The following DPY19L1 variants were observed in gnomAD, a reference collection of about 807,000 sequenced individuals.
DPY19L1 encodes protein C-mannosyl-transferase DPY19L1.
In DPY19L1, 35 loss-of-function variants were observed where a neutral mutation model predicts 96.9. The observed-to-expected ratio is 0.36, with a 90% CI of 0.28 to 0.48. The LOEUF is 0.48. Among genes scored for constraint, DPY19L1 ranks in the 20% least tolerant of loss-of-function variants. DPY19L1 has a pLI of 0.99. For missense variants in DPY19L1, 521 were observed against 777.9 expected (o/e 0.67, Z 3.93); for synonymous variants, 205 against 252.6 (o/e 0.81, Z 1.79).
intron 21 of DPY19L1, among the ~76,000 whole-genome samples, chr7:34,933,397 G>A (rs973661722): frequency 6.6e-6 from 1 of 152,196 alleles, no homozygotes; most frequent in Non-Finnish European, 1.5e-5. Flanking sequence ...GCTATCTGCT[G>A]TATCTTTCTC....
At chr7:35,004,779 T>C (rs1164177237) in intron 6 of DPY19L1, among the ~76,000 whole-genome samples, 1 of 152,236 alleles carries the variant, frequency 6.6e-6, no homozygotes, top group Non-Finnish European at 1.5e-5. Flanking sequence ...ACTGAAGGGA[T>C]AATTTAAAAG....
intron 21 of DPY19L1, among the ~76,000 whole-genome samples, chr7:34,932,967 A>T (rs539564897): frequency 4.2e-4 from 64 of 152,310 alleles, no homozygotes; most frequent in African/African-American, 1.5e-3. Context: ...AGGTATGTAC[A>T]TCATTTTCCC....
At chr7:35,013,925 CT>C (rs1785776392) in intron 3 of DPY19L1, among the ~76,000 whole-genome samples, 1 of 152,104 alleles carries the variant, frequency 6.6e-6, no homozygotes. Context: ...TGCAAAATAG[CT>C]TCAAAAAGTT....
intron 7 of DPY19L1, among the ~76,000 whole-genome samples, chr7:34,976,855 C>T (rs1784841681): frequency 6.6e-6 from 1 of 152,182 alleles, no homozygotes; most frequent in Non-Finnish European, 1.5e-5. Flanking sequence ...GCAATTTCGG[C>T]TCACTGCAAC....
At chr7:34,966,840 A>T in intron 10 of DPY19L1, 54 bp downstream of exon 10, 1 of 1,393,930 alleles carries the variant, frequency 7.2e-7, no homozygotes, top group South Asian at 1.4e-5. Context: ...ATAAAATATT[A>T]ATCAGGAGTT....
In DPY19L1 at chr7:35,033,167, T is replaced by C. The variant is rs534488350; in HGVS notation, c.298+3930A>G. On this transcript the variant is annotated intron_variant, in intron 1 of 21. Transcript: ENST00000638088. ...TGATGCACCTCCACCCTCTCTTCTT[T>C]CAACATGCTAAGCTCTGTCATACTC... is the stretch of plus-strand genomic sequence containing the variant. Among the ~76,000 whole-genome samples, 17 of 152,330 alleles carry C rather than the reference T, an allele frequency of 1.1e-4. No individual in the cohort carries two copies. The South Asian group carries it at 1.5e-3, about 13-fold the overall frequency.
chr7:35,011,277 A>T, intron 5 of DPY19L1, 53 bp downstream of exon 5: 1 of 1,582,644 alleles, frequency 6.3e-7, no homozygotes, highest in Non-Finnish European at 8.6e-7. Flanking sequence ...TATGCTAGAT[A>T]AGTTTATTAT....
intron 21 of DPY19L1, among the ~76,000 whole-genome samples, chr7:34,932,548 A>G (rs1790939147): frequency 6.6e-6 from 1 of 152,242 alleles, no homozygotes; most frequent in South Asian, 2.1e-4. Flanking sequence ...AAAAATCAGT[A>G]GGTCAAAACA....
chr7:34,941,007 T>C (rs1424065557), intron 18 of DPY19L1, among the ~76,000 whole-genome samples: 1 of 152,092 alleles, frequency 6.6e-6, no homozygotes, highest in Non-Finnish European at 1.5e-5. Context: ...ATCCAAATAG[T>C]CCACACTCCA....
At chr7:35,012,246 A>G (rs1481307742) in intron 4 of DPY19L1, among the ~76,000 whole-genome samples, 1 of 152,214 alleles carries the variant, frequency 6.6e-6, no homozygotes, top group Non-Finnish European at 1.5e-5. Flanking sequence ...GCCATCCCAG[A>G]TCCAGAGCTG....
At chr7:34,991,160 C>A (rs757951901) in intron 6 of DPY19L1, among the ~76,000 whole-genome samples, 1 of 152,156 alleles carries the variant, frequency 6.6e-6, no homozygotes, top group Non-Finnish European at 1.5e-5. Flanking sequence ...CAGAGTGAAA[C>A]GATGGCAGCA....
chr7:34,961,944 C>T (rs959944258), intron 10 of DPY19L1, among the ~76,000 whole-genome samples: 4 of 152,212 alleles, frequency 2.6e-5, no homozygotes, highest in African/African-American at 4.8e-5. Context: ...CACAGTGACA[C>T]CACCAAATGC....
chr7:34,982,785 C>T (rs142014848), intron 7 of DPY19L1, among the ~76,000 whole-genome samples: 3,297 of 152,234 alleles, frequency 0.022, 56 homozygotes, highest in Non-Finnish European at 0.032. Context: ...GGGACACACA[C>T]AGACATACAC....
chr7:34,987,011 C>T (rs1015225329), intron 7 of DPY19L1, among the ~76,000 whole-genome samples: 6 of 151,742 alleles, frequency 4.0e-5, no homozygotes, highest in South Asian at 2.1e-4. Context: ...CATGAAAAAG[C>T]TAAACAATCC....
chr7:34,973,561 TGA>T lies in DPY19L1; in HGVS notation c.865_866del (p.Ser289IlefsTer22). The stretch of plus-strand genomic sequence containing the variant: ...ACATCTGAAGAACAAGAAATGGATA[TGA>T]GAAGCTTTCACGGAGAGGTGGTGTC... ...MWTPPLRESF[S>X]YPFLVLQMLL... On this transcript the variant is annotated frameshift_variant, in exon 8 of 22. Coordinates refer to ENST00000638088, the MANE Select transcript of DPY19L1 (RefSeq NM_001366673.1). LOFTEE classifies it high-confidence loss of function. 1 of 1,540,308 alleles carries T rather than the reference TGA, an allele frequency of 6.5e-7. No homozygotes were observed. Among genetic ancestry groups the T allele is most frequent in the Non-Finnish European group, 8.8e-7 (1 of 1,142,228 alleles).
intron 3 of DPY19L1, among the ~76,000 whole-genome samples, chr7:35,014,797 T>A (rs527345752): frequency 2.0e-5 from 3 of 152,022 alleles, no homozygotes; most frequent in Admixed American, 1.3e-4. Context: ...TGAGGTCATA[T>A]TGGATTAAGG....
chr7:34,980,339 G>A (rs2128670105), intron 7 of DPY19L1, among the ~76,000 whole-genome samples: 1 of 152,030 alleles, frequency 6.6e-6, no homozygotes. Context: ...AAGAAAATAT[G>A]AGAAAACCTT....
In DPY19L1 at chr7:34,989,020, G is replaced by A. The variant is rs1482629795; in HGVS notation, c.822+864C>T. 2.6e-5 allele frequency among the ~76,000 whole-genome samples: 4 copies of A among 152,272 alleles called. No homozygotes were observed. In the South Asian group the frequency reaches 6.2e-4, roughly 24 times the overall value. Reference sequence around the variant, plus strand: ...TTTACAAAGAGGAAACTAAGGCAAAGAGAGATTAAATGACTTGCTCAGGTC... The same window carrying A: ...TTTACAAAGAGGAAACTAAGGCAAAAAGAGATTAAATGACTTGCTCAGGTC... On this transcript the variant is annotated intron_variant, in intron 7 of 21. Transcript: ENST00000638088.
chr7:34,931,730 C>T lies in DPY19L1; in HGVS notation c.2091-1G>A. The T allele has an allele frequency of 6.4e-7, 1 of 1,566,128 alleles. No individual in the cohort carries two copies. Among genetic ancestry groups the T allele is most frequent in the Non-Finnish European group, 8.6e-7 (1 of 1,161,628 alleles). On this transcript the variant is annotated splice_acceptor_variant, in intron 21 of 21. Transcript: ENST00000638088. LOFTEE classifies it high-confidence loss of function. ...AATTTCAGGCATACTGCAACCAGGC[C>T]TAGAAAAATGAATGTACATGTTAAA... is the stretch of plus-strand genomic sequence containing the variant.
Sources: gnomAD v4.1 joint callset for allele counts (sites outside exome capture counted in the v4.1 genomes callset) on GRCh38, gnomAD v4.1.1 for gene constraint, MANE v1.5 for transcripts, NCBI Gene and HGNC (gene_info 2026-07-23, HGNC 2026-07-21) for gene names.